SPOCK1: variants seen among roughly 807,000 people sequenced by gnomAD.
The protein encoded by SPOCK1 is SPARC (osteonectin), cwcv and kazal like domains proteoglycan 1, also known as testican-1.
In SPOCK1, 23 loss-of-function variants were observed where a neutral mutation model predicts 55.3. That is an observed-to-expected ratio of 0.42 (90% CI 0.30 to 0.59). The LOEUF (loss-of-function observed/expected upper bound fraction) is 0.59, where lower values mean the gene tolerates loss of function less well. SPOCK1 is among the 20% of genes least tolerant of loss of function. SPOCK1 has a pLI of 0.22. For synonymous variants in SPOCK1, 226 were observed against 221.0 expected, an observed-to-expected ratio of 1.02 and a Z score of -0.20; for missense variants, 499 against 552.5, an observed-to-expected ratio of 0.90 and a Z score of 0.97.
chr5:137,361,228 G>C lies in SPOCK1; in HGVS notation c.187-94173C>G, dbSNP rs147673375. On this transcript the variant is annotated intron_variant, in intron 2 of 10. Transcript: ENST00000394945. ...AACCTTCTAGCCTCCAGAACTGTGAGAAATAAGTGTCTTTTGTTTAAGCCA... is the reference window on the plus strand; with the variant it reads ...AACCTTCTAGCCTCCAGAACTGTGACAAATAAGTGTCTTTTGTTTAAGCCA... Among the ~76,000 whole-genome samples, 4 of 152,312 alleles carry C rather than the reference G, an allele frequency of 2.6e-5. No homozygotes were observed. The East Asian group carries it at 7.7e-4, about 29-fold the overall frequency.
At chr5:137,222,579 A>T (rs9327776) in intron 3 of SPOCK1, among the ~76,000 whole-genome samples, 1 of 152,144 alleles carries the variant, frequency 6.6e-6, no homozygotes, top group Middle Eastern at 3.2e-3. Context: ...TCAAGTGGTT[A>T]GCCAACATTT....
intron 3 of SPOCK1, among the ~76,000 whole-genome samples, chr5:137,229,854 G>A (rs543630123): frequency 1.3e-5 from 2 of 152,208 alleles, no homozygotes; most frequent in Admixed American, 6.5e-5. Context: ...AATAGGGTTC[G>A]TACTCCTATG....
At chr5:137,452,003 T>C (rs541369809) in intron 2 of SPOCK1, among the ~76,000 whole-genome samples, 1 of 152,214 alleles carries the variant, frequency 6.6e-6, no homozygotes, top group Non-Finnish European at 1.5e-5. Flanking sequence ...CTGACCTTGG[T>C]TAAACATCTC....
intron 2 of SPOCK1, among the ~76,000 whole-genome samples, chr5:137,494,802 G>A (rs1165616480): frequency 6.6e-6 from 1 of 152,142 alleles, no homozygotes; most frequent in Middle Eastern, 3.2e-3. Context: ...ATATTTGTTG[G>A]AATGAATGAA....
intron 3 of SPOCK1, among the ~76,000 whole-genome samples, chr5:137,155,824 C>G (rs1246953313): frequency 6.6e-6 from 1 of 152,202 alleles, no homozygotes; most frequent in Admixed American, 6.5e-5. Context: ...TGTGTCCAAT[C>G]AACAAGGGCA....
intron 2 of SPOCK1, among the ~76,000 whole-genome samples, chr5:137,356,515 T>G (rs1322974917): frequency 2.0e-5 from 3 of 151,212 alleles, no homozygotes. Context: ...AGAGGCAGGG[T>G]GCGGTGGTTC....
chr5:137,150,429 G>A (rs1197028187), intron 3 of SPOCK1, among the ~76,000 whole-genome samples: 5 of 152,106 alleles, frequency 3.3e-5, no homozygotes, highest in Admixed American at 6.6e-5. Context: ...ACAAACCTAC[G>A]CTCATGCTCT....
intron 2 of SPOCK1, among the ~76,000 whole-genome samples, chr5:137,402,467 T>G (rs566589875): frequency 6.6e-6 from 1 of 152,384 alleles, no homozygotes; most frequent in Non-Finnish European, 1.5e-5. Context: ...GTGTTTTGTG[T>G]CACTTGGCTG....
At chr5:137,164,844 G>A (rs892013795) in intron 3 of SPOCK1, among the ~76,000 whole-genome samples, 2 of 152,202 alleles carry the variant, frequency 1.3e-5, no homozygotes, top group Non-Finnish European at 2.9e-5. Context: ...TTGGAAAGGG[G>A]AGGGAAGAGT....
chr5:137,120,397 C>T lies in SPOCK1; in HGVS notation c.348-7836G>A, dbSNP rs142517162. On this transcript the variant is annotated intron_variant, in intron 4 of 10. Coordinates refer to ENST00000394945, the MANE Select transcript of SPOCK1 (RefSeq NM_004598.4). Reference sequence around the variant, plus strand: ...TCTGGTATGCATGCAATTCCAAAAGCATGAACATCTCTCTGGTGTACCCGA... The same window carrying T: ...TCTGGTATGCATGCAATTCCAAAAGTATGAACATCTCTCTGGTGTACCCGA... 2.4e-3 allele frequency among the ~76,000 whole-genome samples: 369 copies of T among 152,326 alleles called. 6 individuals carry two copies. The highest frequency in any genetic ancestry group is 8.6e-3 in the African/African-American group (359 of 41,560).
intron 2 of SPOCK1, among the ~76,000 whole-genome samples, chr5:137,332,761 A>G (rs1278246495): frequency 6.6e-6 from 1 of 152,240 alleles, no homozygotes; most frequent in African/African-American, 2.4e-5. Context: ...AAGGCCGAGA[A>G]GCAACTGTGT....
chr5:137,052,131 A>C (rs1296184343), intron 6 of SPOCK1, among the ~76,000 whole-genome samples: 1 of 152,226 alleles, frequency 6.6e-6, no homozygotes, highest in Non-Finnish European at 1.5e-5. Flanking sequence ...GCTCTAGCAG[A>C]CATCTTGGAC....
intron 6 of SPOCK1, among the ~76,000 whole-genome samples, chr5:136,994,565 T>A (rs1751005837): frequency 6.6e-6 from 1 of 152,096 alleles, no homozygotes; most frequent in Admixed American, 6.6e-5. Context: ...TTGCTATTTT[T>A]AAACTGAACA....
chr5:137,467,157 G>A (rs550915632), intron 2 of SPOCK1, among the ~76,000 whole-genome samples: 72 of 152,356 alleles, frequency 4.7e-4, no homozygotes, highest in Non-Finnish European at 8.5e-4. Context: ...GGCAAAGAAG[G>A]GAGTGAGAGA....
rs933834822 is a variant in SPOCK1 at position 137,035,653 on chromosome 5, G to T, written c.589+32062C>A. Among the ~76,000 whole-genome samples, 8 of 152,120 alleles carry T rather than the reference G, an allele frequency of 5.3e-5. No individual in the cohort carries two copies. In the East Asian group the frequency reaches 1.5e-3, roughly 29 times the overall value. On this transcript the variant is annotated intron_variant, in intron 6 of 10. Coordinates refer to ENST00000394945, the MANE Select transcript of SPOCK1 (RefSeq NM_004598.4). ...AGAAGCATGATCCTGAGGTCACTGT[G>T]TGCTCATGCCCTCCCCCTTGTCACA...
At chr5:137,099,759 C>T (rs1314081734) in intron 5 of SPOCK1, among the ~76,000 whole-genome samples, 3 of 152,234 alleles carry the variant, frequency 2.0e-5, no homozygotes, top group Non-Finnish European at 4.4e-5. Context: ...CAACTTCTCA[C>T]TATGTTAGGA....
intron 3 of SPOCK1, among the ~76,000 whole-genome samples, chr5:137,205,321 A>G (rs1755499345): frequency 6.6e-6 from 1 of 152,206 alleles, no homozygotes; most frequent in African/African-American, 2.4e-5. Context: ...AGCCTATTGC[A>G]CGTCAGTGAA....
At chr5:137,414,682 T>C (rs1191110538) in intron 2 of SPOCK1, among the ~76,000 whole-genome samples, 1 of 152,192 alleles carries the variant, frequency 6.6e-6, no homozygotes, top group African/African-American at 2.4e-5. Flanking sequence ...ATTAATAACA[T>C]TGCTGGGAAA....
intron 3 of SPOCK1, among the ~76,000 whole-genome samples, chr5:137,253,113 G>A (rs1756568454): frequency 6.6e-6 from 1 of 152,172 alleles, no homozygotes; most frequent in African/African-American, 2.4e-5. Context: ...ACTGCATTTG[G>A]AAACGTATGT....
Sources: allele counts gnomAD v4.1 joint callset (sites outside exome capture counted in the v4.1 genomes callset), GRCh38; gene constraint gnomAD v4.1.1; transcripts MANE v1.5; gene names NCBI Gene and HGNC (gene_info 2026-07-23, HGNC 2026-07-21).